Variants in DOK6 observed in about 807,000 individuals in gnomAD.
DOK6 encodes the protein docking protein 6.
DOK6 carries 22 observed loss-of-function variants against 44.0 expected under a neutral mutation model. The observed-to-expected ratio is 0.50, with a 90% CI of 0.36 to 0.71. The LOEUF (loss-of-function observed/expected upper bound fraction) is 0.71. Among genes scored for constraint, DOK6 ranks in the 30% least tolerant of loss-of-function variants. The pLI is 0.00. For synonymous variants in DOK6, 166 were observed against 145.5 expected (o/e 1.14, Z -1.01); for missense variants, 340 against 416.4 (o/e 0.82, Z 1.60).
chr18:69,414,608 T>A (rs1016468260), intron 1 of DOK6, among the ~76,000 whole-genome samples: 6 of 152,020 alleles, frequency 3.9e-5, no homozygotes, highest in African/African-American at 1.4e-4. Flanking sequence ...GTAGAAGTGG[T>A]TATAAAAGCA....
intron 1 of DOK6, among the ~76,000 whole-genome samples, chr18:69,482,117 G>A (rs201192848): frequency 0.24 from 36,149 of 151,926 alleles, 4,625 homozygotes; most frequent in East Asian, 0.53. Context: ...TAGATTCTGG[G>A]TATTAGCCCT....
intron 1 of DOK6, among the ~76,000 whole-genome samples, chr18:69,488,642 A>AG (rs1171118372): frequency 1.3e-5 from 2 of 152,162 alleles, no homozygotes; most frequent in East Asian, 3.9e-4. Context: ...AGAGCAGTGC[A>AG]GGGGAACTGC....
intron 2 of DOK6, among the ~76,000 whole-genome samples, chr18:69,566,201 G>A (rs1432997933): frequency 6.6e-6 from 1 of 152,000 alleles, no homozygotes; most frequent in Non-Finnish European, 1.5e-5. Flanking sequence ...GCAGTGGCGC[G>A]ATCTCGGCTC....
intron 1 of DOK6, among the ~76,000 whole-genome samples, chr18:69,557,425 A>G (rs1359289467): frequency 3.3e-5 from 5 of 152,202 alleles, no homozygotes; most frequent in Non-Finnish European, 5.9e-5. Flanking sequence ...CCTACTTCAC[A>G]GTGAGTCTTA....
In DOK6 at chr18:69,810,942, G is replaced by GTA. The variant is rs1981204024; in HGVS notation, c.857-30300_857-30299dup. ...ACTACCATAGGGTCCAGCAATCCCA[G>GTA]TATTGGTTATTTAGCCAAAGGAAAT... On this transcript the variant is annotated intron_variant, in intron 7 of 7. Coordinates refer to ENST00000382713, the MANE Select transcript of DOK6 (RefSeq NM_152721.6). 4.6e-5 allele frequency among the ~76,000 whole-genome samples: 7 copies of GTA among 152,158 alleles called. No homozygotes were observed. In the South Asian group the frequency reaches 1.5e-3, roughly 32 times the overall value.
chr18:69,473,637 G>A (rs1387400695), intron 1 of DOK6, among the ~76,000 whole-genome samples: 2 of 152,210 alleles, frequency 1.3e-5, no homozygotes, highest in Admixed American at 1.3e-4. Context: ...CTCGCTGGCA[G>A]ACCAATCCCA....
At chr18:69,598,680 T>TGCG (rs1983803178) in intron 2 of DOK6, among the ~76,000 whole-genome samples, 1 of 152,136 alleles carries the variant, frequency 6.6e-6, no homozygotes, top group South Asian at 2.1e-4. Context: ...TTCTGTTGAC[T>TGCG]GCGGGGGAAA....
intron 5 of DOK6, among the ~76,000 whole-genome samples, chr18:69,713,063 G>T (rs1025748780): frequency 9.2e-5 from 14 of 152,256 alleles, no homozygotes; most frequent in Admixed American, 2.6e-4. Flanking sequence ...AAGGGTATCC[G>T]TTACTCTCTC....
intron 2 of DOK6, among the ~76,000 whole-genome samples, chr18:69,570,020 A>G (rs1225616209): frequency 6.6e-6 from 1 of 152,048 alleles, no homozygotes; most frequent in East Asian, 1.9e-4. Flanking sequence ...GAGAGGAACA[A>G]CAAACACTGG....
At chr18:69,678,772 C>T (rs1985981009) in intron 4 of DOK6, among the ~76,000 whole-genome samples, 1 of 152,156 alleles carries the variant, frequency 6.6e-6, no homozygotes, top group Non-Finnish European at 1.5e-5. Flanking sequence ...TGATCACCAC[C>T]ACCAGATGAT....
At chr18:69,756,191 A>C (rs1037227082) in intron 6 of DOK6, among the ~76,000 whole-genome samples, 1 of 152,174 alleles carries the variant, frequency 6.6e-6, no homozygotes, top group Admixed American at 6.5e-5. Flanking sequence ...TTATCTGCCT[A>C]GCCATTTCAC....
chr18:69,456,532 T>G (rs370535421), intron 1 of DOK6, among the ~76,000 whole-genome samples: 1 of 152,238 alleles, frequency 6.6e-6, no homozygotes, highest in East Asian at 1.9e-4. Context: ...TATCATATTT[T>G]CTTTATCCAC....
intron 7 of DOK6, among the ~76,000 whole-genome samples, chr18:69,807,992 T>C (rs1241214399): frequency 6.6e-6 from 1 of 151,810 alleles, no homozygotes; most frequent in Non-Finnish European, 1.5e-5. Flanking sequence ...CAGCAGAATA[T>C]ACATTTTTCT....
At chr18:69,474,144 CT>C (rs1980195076) in intron 1 of DOK6, among the ~76,000 whole-genome samples, 1 of 151,960 alleles carries the variant, frequency 6.6e-6, no homozygotes, top group African/African-American at 2.4e-5. Flanking sequence ...TATATGTGTC[CT>C]TGGTGAGGGG....
chr18:69,709,544 T>C (rs992527052), intron 5 of DOK6, among the ~76,000 whole-genome samples: 1 of 152,172 alleles, frequency 6.6e-6, no homozygotes, highest in Non-Finnish European at 1.5e-5. Flanking sequence ...AAGATTTTTT[T>C]CTTGGTGTTA....
chr18:69,725,276 C>T (rs1047797862), intron 5 of DOK6, among the ~76,000 whole-genome samples: 36 of 152,096 alleles, frequency 2.4e-4, no homozygotes, highest in Admixed American at 2.0e-3. Context: ...CTGGGCAGAG[C>T]GCCTTGCATG....
At chr18:69,481,733 T>C (rs1980429054) in intron 1 of DOK6, among the ~76,000 whole-genome samples, 1 of 152,212 alleles carries the variant, frequency 6.6e-6, no homozygotes, top group Admixed American at 6.5e-5. Context: ...TTTGGGTATA[T>C]ACCCAGTAAT....
chr18:69,462,300 C>T (rs1979810434), intron 1 of DOK6, among the ~76,000 whole-genome samples: 1 of 152,074 alleles, frequency 6.6e-6, no homozygotes, highest in African/African-American at 2.4e-5. Context: ...GGAAGCTATT[C>T]ACTAACCACT....
intron 5 of DOK6, among the ~76,000 whole-genome samples, chr18:69,712,098 G>T: frequency 6.7e-6 from 1 of 149,680 alleles, no homozygotes; most frequent in Non-Finnish European, 1.5e-5. Context: ...CGGCTAAAAC[G>T]GTGAAACCCC....
Sources: gnomAD v4.1 joint callset for allele counts (sites outside exome capture counted in the v4.1 genomes callset) on GRCh38, gnomAD v4.1.1 for gene constraint, MANE v1.5 for transcripts, NCBI Gene and HGNC (gene_info 2026-07-23, HGNC 2026-07-21) for gene names.